The following MMRN1 variants were observed in gnomAD, a reference collection of about 807,000 sequenced individuals.
The protein encoded by MMRN1 is multimerin 1, also known as multimerin-1.
A neutral mutation model predicts 100.7 loss-of-function variants in MMRN1; 94 were observed. The ratio of observed to expected loss-of-function variants is 0.93; its 90% confidence interval spans 0.79 to 1.11. MMRN1 has a LOEUF of 1.11. MMRN1 is among the 50% of genes least tolerant of loss of function. MMRN1 has a pLI of 0.00. For missense variants in MMRN1, 1,606 were observed against 1,439.1 expected (o/e 1.12, Z -1.88); for synonymous variants, 575 against 505.0 (o/e 1.14, Z -1.86).
intron 1 of MMRN1, among the ~76,000 whole-genome samples, chr4:89,897,636 T>A (rs1721251316): frequency 6.6e-6 from 1 of 152,212 alleles, no homozygotes; most frequent in African/African-American, 2.4e-5. Flanking sequence ...AACTAGTAAC[T>A]AATAGTTTGA....
intron 6 of MMRN1, among the ~76,000 whole-genome samples, chr4:89,938,888 T>G (rs1722736454): frequency 6.6e-6 from 1 of 152,066 alleles, no homozygotes; most frequent in Non-Finnish European, 1.5e-5. Flanking sequence ...AAAGATATAC[T>G]GACCTAATTC....
chr4:89,926,634 T>C (rs1722273763), intron 4 of MMRN1, among the ~76,000 whole-genome samples: 1 of 152,174 alleles, frequency 6.6e-6, no homozygotes. Flanking sequence ...TTTAACTTGA[T>C]GTGATCCCAT....
chr4:89,895,258 G>C lies in MMRN1; in HGVS notation c.287G>C (p.Arg96Thr). The change falls in exon 1 of 8, where the codon AGA becomes ACA. Residue 96 changes from arginine to threonine, a missense_variant. Arg to Thr is a moderately conservative substitution (Grantham distance 71). Transcript: ENST00000264790. ...SETSAPAEGVRNQTLTSTEKA... is the reference protein window; with the variant it reads ...SETSAPAEGVTNQTLTSTEKA... ...ACAAGTGCACCTGCTGAGGGTGTGA[G>C]AAATCAAACTCTCACATCCACAGAG... is the stretch of plus-strand genomic sequence containing the variant. 1 of 1,613,846 alleles carries C rather than the reference G, an allele frequency of 6.2e-7. No individual in the cohort carries two copies. Among genetic ancestry groups the C allele is most frequent in the Non-Finnish European group, 8.5e-7 (1 of 1,179,934 alleles).
At chr4:89,913,592 G>A (rs934361178) in intron 3 of MMRN1, among the ~76,000 whole-genome samples, 2 of 151,190 alleles carry the variant, frequency 1.3e-5, no homozygotes, top group Non-Finnish European at 3.0e-5. Context: ...ACTGTGTCCT[G>A]CCACTCTCAT....
chr4:89,936,642 C>T lies in MMRN1; in HGVS notation c.2962C>T (p.Arg988Ter), dbSNP rs769723309. 1.2e-6 allele frequency: 2 copies of T among 1,613,310 alleles called. No individual in the cohort carries two copies. The highest frequency in any genetic ancestry group is 1.7e-6 in the Non-Finnish European group (2 of 1,179,560). The part of the protein sequence containing the change: ...ALSNLTCCID[R>*]SLPGSLANVV... Reference sequence around the variant, plus strand: ...ATCTAATTTAACTTGTTGTATAGATCGATCGTTGCCTGGTAGTCTGGCAAA... The same window carrying T: ...ATCTAATTTAACTTGTTGTATAGATTGATCGTTGCCTGGTAGTCTGGCAAA... The change falls in exon 6 of 8, where the codon CGA (arginine) becomes TGA (stop). Residue 988 changes from arginine (R) to a stop codon, truncating the protein, a stop_gained. Coordinates refer to ENST00000264790, the MANE Select transcript of MMRN1 (RefSeq NM_007351.3). LOFTEE classifies it high-confidence loss of function.
Position 89,953,341 on chromosome 4 carries a change from C to T in MMRN1, c.3610C>T (p.Arg1204Ter), listed in dbSNP as rs972654070. ...AAATTATGGGCAGGAAGTCTGGTTA[C>T]GACTTGCAAAAGGAACAATTCCAGC... ...ELNYGQEVWL[R>*]LAKGTIPAKF... is the part of the protein sequence containing the mutation. Residue 1204 changes from arginine (R) to a stop codon, truncating the protein, a stop_gained, in exon 8 of 8, where the codon CGA becomes TGA. Transcript: ENST00000264790. LOFTEE classifies it high-confidence loss of function. 28 of 1,613,530 alleles carry T rather than the reference C, an allele frequency of 1.7e-5. No homozygotes were observed. The highest frequency in any genetic ancestry group is 4.0e-5 in the African/African-American group (3 of 74,880).
chr4:89,941,561 A>G (rs1254773717), intron 6 of MMRN1, among the ~76,000 whole-genome samples: 3 of 152,190 alleles, frequency 2.0e-5, no homozygotes, highest in Admixed American at 1.3e-4. Flanking sequence ...TGCCTAGGAC[A>G]TACCAAAACT....
chr4:89,941,938 A>G (rs1029129106), intron 6 of MMRN1, among the ~76,000 whole-genome samples: 14 of 152,190 alleles, frequency 9.2e-5, no homozygotes, highest in Non-Finnish European at 2.1e-4. Context: ...CCAGATTTCC[A>G]TATGATTCCC....
chr4:89,895,762 T>C (rs549130291), intron 1 of MMRN1, among the ~76,000 whole-genome samples, 168 bp downstream of exon 1: 1 of 152,246 alleles, frequency 6.6e-6, no homozygotes, highest in Non-Finnish European at 1.5e-5. Flanking sequence ...ATTTATCTAA[T>C]AGGGAAAAAT....
At position 89,934,840 on chromosome 4, in the gene MMRN1, T is replaced by A; in HGVS notation, c.1160T>A (p.Ile387Lys). The A allele has an allele frequency of 6.4e-7, 1 of 1,555,442 alleles. No homozygotes were observed. Among genetic ancestry groups the A allele is most frequent in the South Asian group, 1.2e-5 (1 of 81,386 alleles). ...GLKSKSINVL[I>K]RDIVREQFKI... ...AAATCCAAAAGCATTAATGTACTGA[T>A]AAGAGACATAGTAAGAGAACAATTT... is the stretch of plus-strand genomic sequence containing the variant. The change falls in exon 6 of 8, where the codon ATA (isoleucine) becomes AAA (lysine). Residue 387 changes from isoleucine (I) to lysine (K), a missense_variant. Transcript: ENST00000264790.
chr4:89,889,658 C>T (rs1228626847), intron 1 of MMRN1, among the ~76,000 whole-genome samples: 1 of 152,066 alleles, frequency 6.6e-6, no homozygotes, highest in Non-Finnish European at 1.5e-5. Flanking sequence ...GTGCTGTGCC[C>T]TCTTCCCCAG....
At chr4:89,882,157 A>C (rs1720833903) in intron 1 of MMRN1, among the ~76,000 whole-genome samples, 1 of 151,642 alleles carries the variant, frequency 6.6e-6, no homozygotes, top group African/African-American at 2.4e-5. Flanking sequence ...TAATTTTACT[A>C]CCTTAAGTGG....
chr4:89,906,888 T>G (rs1322482547), intron 1 of MMRN1, among the ~76,000 whole-genome samples: 1 of 151,398 alleles, frequency 6.6e-6, no homozygotes, highest in Non-Finnish European at 1.5e-5. Flanking sequence ...TGTTTTAATA[T>G]TTAGGATTTC....
At chr4:89,944,245 C>A (rs1722920155) in intron 6 of MMRN1, among the ~76,000 whole-genome samples, 1 of 152,142 alleles carries the variant, frequency 6.6e-6, no homozygotes, top group Admixed American at 6.6e-5. Flanking sequence ...GTGACCATCT[C>A]TAATCTTATT....
chr4:89,913,634 T>A (rs1270703893), intron 3 of MMRN1, among the ~76,000 whole-genome samples: 1 of 151,348 alleles, frequency 6.6e-6, no homozygotes, highest in African/African-American at 2.4e-5. Flanking sequence ...TATTTATGAA[T>A]TCAAGTAGTT....
Position 89,908,612 on chromosome 4 carries a change from CTTG to C in MMRN1, c.624-658_624-656del, listed in dbSNP as rs567104830. Reference sequence around the variant, plus strand: ...TGAATTTATTCTTAGGTACATTATTCTTGTTGTTATTTTTTGCTACTGTTAATA... The same window carrying C: ...TGAATTTATTCTTAGGTACATTATTCTTGTTATTTTTTGCTACTGTTAATA... On this transcript the variant is annotated intron_variant, in intron 1 of 7. Coordinates refer to ENST00000264790, the MANE Select transcript of MMRN1 (RefSeq NM_007351.3). Among the ~76,000 whole-genome samples, 141 of 151,212 alleles carry C rather than the reference CTTG, an allele frequency of 9.3e-4. 1 individual carries two copies. Among genetic ancestry groups the C allele is most frequent in the African/African-American group, 3.0e-3 (124 of 41,384 alleles).
chr4:89,929,160 T>G (rs1560591771), intron 5 of MMRN1, among the ~76,000 whole-genome samples: 1 of 152,162 alleles, frequency 6.6e-6, no homozygotes, highest in African/African-American at 2.4e-5. Context: ...TCGGGTTTAT[T>G]GTATGAAACT....
intron 1 of MMRN1, among the ~76,000 whole-genome samples, chr4:89,886,778 A>C (rs1475872859): frequency 6.6e-6 from 1 of 152,144 alleles, no homozygotes; most frequent in Non-Finnish European, 1.5e-5. Flanking sequence ...ATTTTGATAC[A>C]ACATACAATG....
intron 1 of MMRN1, among the ~76,000 whole-genome samples, chr4:89,897,930 C>G (rs977055646): frequency 4.6e-5 from 7 of 152,100 alleles, no homozygotes; most frequent in Non-Finnish European, 8.8e-5. Flanking sequence ...GAACTTTATC[C>G]TCTGGATTTT....
Sources: gnomAD v4.1 joint callset for allele counts (sites outside exome capture counted in the v4.1 genomes callset) on GRCh38, gnomAD v4.1.1 for gene constraint, MANE v1.5 for transcripts, NCBI Gene and HGNC (gene_info 2026-07-23, HGNC 2026-07-21) for gene names.